MAGI2: variants seen among roughly 807,000 people sequenced by gnomAD.
MAGI2 encodes membrane associated guanylate kinase, WW and PDZ domain containing 2, also known as membrane-associated guanylate kinase, WW and PDZ domain-containing protein 2.
In MAGI2, 35 loss-of-function variants were observed where a neutral mutation model predicts 133.3. The observed-to-expected ratio is 0.26, with a 90% confidence interval of 0.20 to 0.35. The LOEUF (loss-of-function observed/expected upper bound fraction) is 0.35, where lower values mean the gene tolerates loss of function less well. Among genes scored for constraint, MAGI2 ranks in the 10% least tolerant of loss-of-function variants. The pLI is 1.00. For synonymous variants in MAGI2, 729 were observed against 710.6 expected, an observed-to-expected ratio of 1.03 and a Z score of -0.41; for missense variants, 1,636 against 1,863.4, an observed-to-expected ratio of 0.88 and a Z score of 2.25.
chr7:78,374,177 C>G (rs535435627), intron 6 of MAGI2, among the ~76,000 whole-genome samples: 30 of 152,262 alleles, frequency 2.0e-4, no homozygotes, highest in African/African-American at 5.8e-4. Context: ...AACTGTCAAA[C>G]TGCTTTCCAT....
intron 1 of MAGI2, among the ~76,000 whole-genome samples, chr7:79,348,729 C>G (rs888540569): frequency 1.3e-5 from 2 of 151,674 alleles, no homozygotes; most frequent in African/African-American, 4.8e-5. Flanking sequence ...TCATTTACAG[C>G]CACTTTTGAT....
intron 6 of MAGI2, among the ~76,000 whole-genome samples, chr7:78,372,434 A>T (rs911083675): frequency 3.9e-5 from 6 of 152,182 alleles, no homozygotes; most frequent in African/African-American, 1.4e-4. Flanking sequence ...TTGTCCAATC[A>T]GGCAAGCATG....
intron 2 of MAGI2, among the ~76,000 whole-genome samples, chr7:78,911,563 C>T (rs1005925166): frequency 2.6e-5 from 4 of 152,006 alleles, no homozygotes; most frequent in Non-Finnish European, 5.9e-5. Context: ...CTTGAACTTC[C>T]CACCCTCCAG....
At chr7:78,078,288 C>T (rs1400321894) in intron 21 of MAGI2, 1 of 152,834 alleles carries the variant, frequency 6.5e-6, no homozygotes, top group East Asian at 1.9e-4. Flanking sequence ...TACACTAGAG[C>T]TATGCTGTCA....
At chr7:78,566,270 G>A (rs1800932773) in intron 3 of MAGI2, among the ~76,000 whole-genome samples, 2 of 152,260 alleles carry the variant, frequency 1.3e-5, no homozygotes, top group Admixed American at 1.3e-4. Flanking sequence ...GAAATAGAGA[G>A]TGGAGTAAGA....
chr7:78,074,354 A>C (rs1045846805), intron 21 of MAGI2, among the ~76,000 whole-genome samples: 2 of 152,136 alleles, frequency 1.3e-5, no homozygotes, highest in African/African-American at 4.8e-5. Context: ...CAGAGTGAGA[A>C]ATTTTATTTC....
At chr7:79,140,500 T>C (rs1449650637) in intron 1 of MAGI2, among the ~76,000 whole-genome samples, 2 of 152,116 alleles carry the variant, frequency 1.3e-5, no homozygotes, top group Non-Finnish European at 2.9e-5. Flanking sequence ...TGTGTAGTGC[T>C]TTAAAAAATA....
intron 1 of MAGI2, among the ~76,000 whole-genome samples, chr7:79,365,737 G>A (rs1474077973): frequency 6.6e-6 from 1 of 151,748 alleles, no homozygotes; most frequent in Non-Finnish European, 1.5e-5. Flanking sequence ...GCAGGTGCCT[G>A]TAATCCCAGC....
intron 2 of MAGI2, among the ~76,000 whole-genome samples, chr7:79,002,772 A>T (rs1194622248): frequency 6.6e-6 from 1 of 151,698 alleles, no homozygotes; most frequent in African/African-American, 2.4e-5. Flanking sequence ...AATATATAGT[A>T]GTTTCATTAC....
chr7:78,075,521 C>T (rs1252399015), intron 21 of MAGI2, among the ~76,000 whole-genome samples: 1 of 152,006 alleles, frequency 6.6e-6, no homozygotes, highest in Non-Finnish European at 1.5e-5. Flanking sequence ...GGACTACAGG[C>T]GCCCACCACC....
chr7:78,555,170 A>AATG (rs1799686344), intron 3 of MAGI2, among the ~76,000 whole-genome samples: 5 of 66,112 alleles, frequency 7.6e-5, no homozygotes, highest in African/African-American at 1.5e-4. Flanking sequence ...ATAAATAAAT[A>AATG]AATGAATGAT....
intron 2 of MAGI2, among the ~76,000 whole-genome samples, chr7:78,992,912 C>T (rs1305985346): frequency 6.6e-6 from 1 of 152,012 alleles, no homozygotes; most frequent in African/African-American, 2.4e-5. Context: ...TATTCAACTT[C>T]TCATTTTTAA....
At chr7:79,090,865 G>A (rs1816980757) in intron 1 of MAGI2, among the ~76,000 whole-genome samples, 1 of 151,918 alleles carries the variant, frequency 6.6e-6, no homozygotes, top group Non-Finnish European at 1.5e-5. Flanking sequence ...TTAAATATTG[G>A]GTGAATTTCA....
At chr7:79,365,697 A>C (rs1488345117) in intron 1 of MAGI2, among the ~76,000 whole-genome samples, 1 of 151,728 alleles carries the variant, frequency 6.6e-6, no homozygotes, top group Non-Finnish European at 1.5e-5. Context: ...GTCTCTACTA[A>C]AAATACAAAA....
intron 2 of MAGI2, among the ~76,000 whole-genome samples, chr7:78,701,593 C>T (rs1049448939): frequency 6.6e-6 from 1 of 151,792 alleles, no homozygotes; most frequent in Non-Finnish European, 1.5e-5. Flanking sequence ...TTCTCTAATC[C>T]AGGTTAGTTA....
intron 3 of MAGI2, among the ~76,000 whole-genome samples, chr7:78,559,171 AAAAAG>A (rs56343412): frequency 0.26 from 27,767 of 107,216 alleles, 3,680 homozygotes; most frequent in East Asian, 0.61. Flanking sequence ...AAAAAAAGCC[AAAAAG>A]AAAAGAAAAG....
intron 21 of MAGI2, among the ~76,000 whole-genome samples, chr7:78,075,009 T>C (rs992006838): frequency 6.6e-6 from 1 of 152,256 alleles, no homozygotes; most frequent in Non-Finnish European, 1.5e-5. Flanking sequence ...CCTAAGCTAA[T>C]GTAAACATTT....
At chr7:78,372,403 G>T (rs1794009994) in intron 6 of MAGI2, among the ~76,000 whole-genome samples, 1 of 152,110 alleles carries the variant, frequency 6.6e-6, no homozygotes, top group African/African-American at 2.4e-5. Context: ...ATGAGAAAAA[G>T]AATTTCCAAC....
chr7:78,414,611 C>T (rs1387228740), intron 6 of MAGI2, among the ~76,000 whole-genome samples: 1 of 151,544 alleles, frequency 6.6e-6, no homozygotes, highest in Non-Finnish European at 1.5e-5. Context: ...TTAACACACA[C>T]ATGCTGTTGT....
Sources: gnomAD v4.1 joint callset for allele counts (sites outside exome capture counted in the v4.1 genomes callset) on GRCh38, gnomAD v4.1.1 for gene constraint, MANE v1.5 for transcripts, NCBI Gene and HGNC (gene_info 2026-07-23, HGNC 2026-07-21) for gene names.